The following GAREM1 variants were observed in gnomAD, a reference collection of about 807,000 sequenced individuals.
GAREM1 encodes GRB2-associated and regulator of MAPK protein 1.
In GAREM1, 26 loss-of-function variants were observed where a neutral mutation model predicts 71.3. The ratio of observed to expected loss-of-function variants is 0.36; its 90% CI spans 0.27 to 0.51. GAREM1 has a LOEUF of 0.51. GAREM1 is among the 20% of genes least tolerant of loss of function. GAREM1 has a pLI of 0.95. For missense variants in GAREM1, 1,026 were observed against 1,103.1 expected, an observed-to-expected ratio of 0.93 and a Z score of 0.99; for synonymous variants, 440 against 433.2, an observed-to-expected ratio of 1.02 and a Z score of -0.20.
intron 1 of GAREM1, among the ~76,000 whole-genome samples, chr18:32,450,939 G>C (rs1225558258): frequency 6.6e-6 from 1 of 151,954 alleles, no homozygotes; most frequent in Non-Finnish European, 1.5e-5. Flanking sequence ...TTGAGCCCAG[G>C]AGATTGAGAC....
intron 4 of GAREM1, among the ~76,000 whole-genome samples, chr18:32,281,594 A>G (rs1276111835): frequency 6.6e-6 from 1 of 152,246 alleles, no homozygotes; most frequent in Non-Finnish European, 1.5e-5. Context: ...GGTTCACAAA[A>G]GAGCTCCTTT....
At chr18:32,327,739 G>A (rs910195727) in intron 2 of GAREM1, among the ~76,000 whole-genome samples, 1 of 152,218 alleles carries the variant, frequency 6.6e-6, no homozygotes, top group African/African-American at 2.4e-5. Context: ...CACTTAGTGA[G>A]ACTAATATGA....
chr18:32,276,150 G>A (rs1310708238), intron 4 of GAREM1, among the ~76,000 whole-genome samples: 1 of 152,148 alleles, frequency 6.6e-6, no homozygotes. Flanking sequence ...GTTCTTTCTC[G>A]AACTTCATCC....
At chr18:32,276,802 TGATA>T (rs751143694) in intron 4 of GAREM1, among the ~76,000 whole-genome samples, 39 of 152,254 alleles carry the variant, frequency 2.6e-4, no homozygotes, top group African/African-American at 7.9e-4. Flanking sequence ...AGTGTTCTAA[TGATA>T]GATAGAATCT....
chr18:32,418,670 T>C (rs1434807705), intron 1 of GAREM1, among the ~76,000 whole-genome samples: 1 of 152,120 alleles, frequency 6.6e-6, no homozygotes, highest in Non-Finnish European at 1.5e-5. Flanking sequence ...AGTATCATAA[T>C]ACAATAGAAC....
chr18:32,463,355 C>T (rs1364021794), intron 1 of GAREM1, among the ~76,000 whole-genome samples: 1 of 151,754 alleles, frequency 6.6e-6, no homozygotes, highest in Non-Finnish European at 1.5e-5. Context: ...TTCAAAACAG[C>T]CATCTTACTT....
chr18:32,454,064 G>C (rs1172499730), intron 1 of GAREM1, among the ~76,000 whole-genome samples: 1 of 152,032 alleles, frequency 6.6e-6, no homozygotes, highest in Non-Finnish European at 1.5e-5. Context: ...GTATATAATA[G>C]TGACCTCATC....
At chr18:32,435,419 C>T (rs1488397957) in intron 1 of GAREM1, among the ~76,000 whole-genome samples, 1 of 151,992 alleles carries the variant, frequency 6.6e-6, no homozygotes, top group East Asian at 1.9e-4. Context: ...TTTTCTAATT[C>T]CTTTAAGGCT....
chr18:32,388,515 C>T (rs1343471846), intron 2 of GAREM1, among the ~76,000 whole-genome samples: 2 of 152,104 alleles, frequency 1.3e-5, no homozygotes, highest in African/African-American at 2.4e-5. Flanking sequence ...GGTAATTATA[C>T]AGCAGAGAAA....
At chr18:32,440,896 T>G (rs2048729810) in intron 1 of GAREM1, among the ~76,000 whole-genome samples, 1 of 152,374 alleles carries the variant, frequency 6.6e-6, no homozygotes, top group African/African-American at 2.4e-5. Context: ...ATATACATTT[T>G]TGTCTCTATG....
chr18:32,410,905 C>T (rs986588877), intron 1 of GAREM1, among the ~76,000 whole-genome samples: 3 of 152,098 alleles, frequency 2.0e-5, no homozygotes, highest in South Asian at 2.1e-4. Flanking sequence ...CGGGTTCAAG[C>T]GATTCTCGTG....
intron 1 of GAREM1, among the ~76,000 whole-genome samples, chr18:32,418,690 C>T (rs1183492701): frequency 1.3e-5 from 2 of 152,020 alleles, no homozygotes; most frequent in Admixed American, 6.6e-5. Flanking sequence ...CCAATAAGAT[C>T]GAACTGGGGG....
chr18:32,282,268 T>A (rs983682600), intron 4 of GAREM1, among the ~76,000 whole-genome samples: 2 of 151,930 alleles, frequency 1.3e-5, no homozygotes, highest in Non-Finnish European at 2.9e-5. Flanking sequence ...AAATAAAATT[T>A]AAAAAAACTT....
chr18:32,388,278 C>T (rs2048166660), intron 2 of GAREM1, among the ~76,000 whole-genome samples: 2 of 152,180 alleles, frequency 1.3e-5, no homozygotes, highest in African/African-American at 2.4e-5. Context: ...GAAAAAAATG[C>T]TTTTCCTTAC....
At chr18:32,433,908 G>C (rs1322301461) in intron 1 of GAREM1, among the ~76,000 whole-genome samples, 1 of 152,058 alleles carries the variant, frequency 6.6e-6, no homozygotes, top group Non-Finnish European at 1.5e-5. Flanking sequence ...ATCTTGGCAG[G>C]TTTTTTTGTA....
chr18:32,328,242 A>G (rs1377302997), intron 2 of GAREM1, among the ~76,000 whole-genome samples: 2 of 152,164 alleles, frequency 1.3e-5, no homozygotes, highest in East Asian at 3.9e-4. Flanking sequence ...TGTCTATTCA[A>G]TTTTTAAGAT....
intron 3 of GAREM1, among the ~76,000 whole-genome samples, chr18:32,306,106 T>C (rs2047253478): frequency 6.6e-6 from 1 of 152,216 alleles, no homozygotes; most frequent in Admixed American, 6.5e-5. Context: ...TATTATTTGC[T>C]TCCTATCAAG....
At chr18:32,467,121 A>G (rs934590468) in intron 1 of GAREM1, among the ~76,000 whole-genome samples, 5 of 152,156 alleles carry the variant, frequency 3.3e-5, no homozygotes, top group African/African-American at 1.2e-4. Context: ...CTCAACAGAC[A>G]CATCTACGTT....
At chr18:32,381,889 C>T (rs73958410) in intron 2 of GAREM1, among the ~76,000 whole-genome samples, 23,091 of 152,118 alleles carry the variant, frequency 0.15, 2,052 homozygotes, top group African/African-American at 0.25. Flanking sequence ...TCTAGAACGC[C>T]CTTAACCTCG....
Sources: gnomAD v4.1 joint callset for allele counts (sites outside exome capture counted in the v4.1 genomes callset) on GRCh38, gnomAD v4.1.1 for gene constraint, MANE v1.5 for transcripts, NCBI Gene and HGNC (gene_info 2026-07-23, HGNC 2026-07-21) for gene names.